Variants in SLC15A5 observed in about 807,000 individuals in gnomAD.
The protein encoded by SLC15A5 is solute carrier family 15 member 5.
SLC15A5 carries 58 observed loss-of-function variants against 56.1 expected under a neutral mutation model. The ratio of observed to expected loss-of-function variants is 1.03; its 90% CI spans 0.84 to 1.29. The LOEUF (loss-of-function observed/expected upper bound fraction) is 1.29, where lower values mean the gene tolerates loss of function less well. SLC15A5 is among the 50% of genes most tolerant of loss of function. The pLI, the probability that SLC15A5 is intolerant of heterozygous loss-of-function variation, is 0.00. For missense variants in SLC15A5, 681 were observed against 672.1 expected, an observed-to-expected ratio of 1.01 and a Z score of -0.15; for synonymous variants, 264 against 250.5, an observed-to-expected ratio of 1.05 and a Z score of -0.51.
Position 16,237,165 on chromosome 12 carries a change from T to C in SLC15A5, c.1162+2516A>G, listed in dbSNP as rs764476245. Among the ~76,000 whole-genome samples the C allele has an allele frequency of 6.6e-6, 1 of 152,192 alleles. No individual in the cohort carries two copies. The highest frequency in any genetic ancestry group is 2.4e-5 in the African/African-American group (1 of 41,458). ...AACTTTAATATTAGACTAATTCAGT[T>C]ATGTAAATTAGTATCAAAAAGTACC... On this transcript the variant is annotated intron_variant, in intron 5 of 8. Coordinates refer to ENST00000344941, the MANE Select transcript of SLC15A5 (RefSeq NM_001170798.1). This position sits in a 1 kb window ranked among gnomAD's most constrained non-coding sequence, Gnocchi z 4.1.
At chr12:16,228,837 TTGATTGTTTA>T (rs1425278856) in intron 5 of SLC15A5, among the ~76,000 whole-genome samples, 2 of 41,920 alleles carry the variant, frequency 4.8e-5, no homozygotes, top group Non-Finnish European at 1.3e-4. Context: ...AAAATGTATA[TTGATTGTTTA>T]TGTTATTAAT....
intron 7 of SLC15A5, among the ~76,000 whole-genome samples, chr12:16,200,986 A>G (rs1212362271): frequency 6.6e-6 from 1 of 152,148 alleles, no homozygotes; most frequent in Non-Finnish European, 1.5e-5. Context: ...GGCAAATCCA[A>G]TCAGAATATG....
At chr12:16,199,384 A>G (rs1454328675) in intron 7 of SLC15A5, among the ~76,000 whole-genome samples, 1 of 151,882 alleles carries the variant, frequency 6.6e-6, no homozygotes, top group East Asian at 1.9e-4. Flanking sequence ...CCAGGTCACC[A>G]ATGTGGTGAA....
intron 2 of SLC15A5, among the ~76,000 whole-genome samples, chr12:16,263,992 G>C (rs910788581): frequency 6.6e-6 from 1 of 152,226 alleles, no homozygotes; most frequent in Non-Finnish European, 1.5e-5. Context: ...TGTGGGATCA[G>C]AGCACCCACA....
chr12:16,229,601 A>G (rs528503874), intron 5 of SLC15A5, among the ~76,000 whole-genome samples: 3 of 151,338 alleles, frequency 2.0e-5, no homozygotes, highest in East Asian at 1.9e-4. Flanking sequence ...ATTACTCTTT[A>G]CTACCAAGAA....
intron 2 of SLC15A5, among the ~76,000 whole-genome samples, chr12:16,261,923 C>T (rs1864646780): frequency 6.6e-6 from 1 of 152,192 alleles, no homozygotes; most frequent in Non-Finnish European, 1.5e-5. Flanking sequence ...TATTTTCTCC[C>T]AGTCTGTGGC....
chr12:16,204,120 C>G (rs1455960954), intron 7 of SLC15A5, among the ~76,000 whole-genome samples: 1 of 151,928 alleles, frequency 6.6e-6, no homozygotes, highest in African/African-American at 2.4e-5. Flanking sequence ...TTCAGTTTTT[C>G]TAAAATTAAC....
In SLC15A5 at chr12:16,244,615, T is replaced by C; in HGVS notation, c.940A>G (p.Ile314Val). 1 of 1,537,608 alleles carries C rather than the reference T, an allele frequency of 6.5e-7. No individual in the cohort carries two copies. The highest frequency in any genetic ancestry group is 2.4e-5 in the East Asian group (1 of 40,898). Reference protein sequence around the residue: ...TFFLTLLPLFIFQLLYRMCIM... With the variant: ...TFFLTLLPLFVFQLLYRMCIM... ...CACATTCTGTATAGGAGCTGAAAAA[T>C]GAAGAGAGGGAGAAGGGTGAGGAAA... Residue 314 changes from isoleucine (I) to valine (V), a missense_variant, in exon 4 of 9, where the codon ATT becomes GTT. Physicochemically the swap from Ile to Val is conservative, Grantham distance 29. Coordinates refer to ENST00000344941, the MANE Select transcript of SLC15A5 (RefSeq NM_001170798.1).
In SLC15A5 at chr12:16,235,085, A is replaced by G. The variant is rs1396553772; in HGVS notation, c.1162+4596T>C. 6.6e-6 allele frequency among the ~76,000 whole-genome samples: 1 copy of G among 151,942 alleles called. No individual in the cohort carries two copies. Among genetic ancestry groups the G allele is most frequent in the Non-Finnish European group, 1.5e-5 (1 of 67,934 alleles). Reference sequence around the variant, plus strand: ...CATTCAGTGTTCATGAACTACTCTCATAAAGACAGCTATAATTTTATTGTC... The same window carrying G: ...CATTCAGTGTTCATGAACTACTCTCGTAAAGACAGCTATAATTTTATTGTC... On this transcript the variant is annotated intron_variant, in intron 5 of 8. Coordinates refer to ENST00000344941, the MANE Select transcript of SLC15A5 (RefSeq NM_001170798.1). The surrounding 1 kb of genome is among the most constrained non-coding windows in gnomAD (Gnocchi z 4.1).
At chr12:16,234,548 T>G (rs975121319) in intron 5 of SLC15A5, among the ~76,000 whole-genome samples, 10 of 152,168 alleles carry the variant, frequency 6.6e-5, no homozygotes, top group African/African-American at 2.4e-4. Flanking sequence ...GAGTGCAGTT[T>G]ATCAGAATGT....
rs914934397 is a variant in SLC15A5 at position 16,196,667 on chromosome 12, T to C, written c.1484-2214A>G. On this transcript the variant is annotated intron_variant, in intron 7 of 8. Transcript: ENST00000344941. This position sits in a 1 kb window ranked among gnomAD's most constrained non-coding sequence, Gnocchi z 4.0. ...TTTATCACCATGTTTCTCTGACTAGTGTAAGAGGAGTTTGCACAGAGTATG... is the reference window on the plus strand; with the variant it reads ...TTTATCACCATGTTTCTCTGACTAGCGTAAGAGGAGTTTGCACAGAGTATG... Among the ~76,000 whole-genome samples, 2 of 152,048 alleles carry C rather than the reference T, an allele frequency of 1.3e-5. No homozygotes were observed. The highest frequency in any genetic ancestry group is 4.8e-5 in the African/African-American group (2 of 41,414).
chr12:16,200,334 AAC>A (rs1451311642), intron 7 of SLC15A5, among the ~76,000 whole-genome samples: 1 of 151,952 alleles, frequency 6.6e-6, no homozygotes, highest in African/African-American at 2.4e-5. Flanking sequence ...ATTGATAAAA[AAC>A]ACAATTCAAA....
At chr12:16,200,055 A>T (rs1592107584) in intron 7 of SLC15A5, among the ~76,000 whole-genome samples, 1 of 152,074 alleles carries the variant, frequency 6.6e-6, no homozygotes, top group African/African-American at 2.4e-5. Context: ...TACTCTCAGC[A>T]AATCTCTTCT....
intron 7 of SLC15A5, among the ~76,000 whole-genome samples, chr12:16,214,451 C>T (rs555419491): frequency 6.6e-6 from 1 of 152,302 alleles, no homozygotes; most frequent in African/African-American, 2.4e-5. Flanking sequence ...GGAGAGTGGG[C>T]AGCCAGGAAG....
chr12:16,201,242 A>C (rs916270291), intron 7 of SLC15A5, among the ~76,000 whole-genome samples: 1 of 152,180 alleles, frequency 6.6e-6, no homozygotes, highest in Non-Finnish European at 1.5e-5. Flanking sequence ...AGAAAAAGCA[A>C]TCCTAAAATT....
At position 16,272,737 on chromosome 12, in the gene SLC15A5, A is replaced by G. The variant is rs191150850; in HGVS notation, c.408T>C (p.Tyr136=). ...SVVAFPLEDF[Y]LGTYHAVNNI... is the part of the protein sequence containing the mutation. ...TGTTAACTGCATGGTAAGTGCCCAG[A>G]TAGAAATCTTCCAAGGGAAAAGCCA... The change falls in exon 2 of 9, where the codon TAT becomes TAC. Residue 136 remains tyrosine (Y), a synonymous_variant. Coordinates refer to ENST00000344941, the MANE Select transcript of SLC15A5 (RefSeq NM_001170798.1). 4 of 1,537,268 alleles carry G rather than the reference A, an allele frequency of 2.6e-6. No individual in the cohort carries two copies. In the African/African-American group the frequency reaches 5.5e-5, roughly 21 times the overall value.
chr12:16,218,655 A>T (rs1001978295), intron 6 of SLC15A5, among the ~76,000 whole-genome samples: 2 of 152,182 alleles, frequency 1.3e-5, no homozygotes, highest in Admixed American at 6.5e-5. Context: ...TAAACACAGA[A>T]ATAGTATAGT....
intron 7 of SLC15A5, among the ~76,000 whole-genome samples, chr12:16,213,026 CAGAG>C (rs76765674): frequency 4.0e-5 from 6 of 151,310 alleles, no homozygotes; most frequent in East Asian, 3.9e-4. Flanking sequence ...TGTTGGCATT[CAGAG>C]AGAGAGAGAG....
At position 16,272,040 on chromosome 12, in the gene SLC15A5, C is replaced by T. The variant is rs527922328; in HGVS notation, c.584+521G>A. Among the ~76,000 whole-genome samples, 4 of 152,290 alleles carry T rather than the reference C, an allele frequency of 2.6e-5. No homozygotes were observed. In the South Asian group the frequency reaches 8.3e-4, roughly 32 times the overall value. On this transcript the variant is annotated intron_variant, in intron 2 of 8. Transcript: ENST00000344941. ...CTGCATTGGCCTAGAAATTTATAATCTCTGCCAAATTAGTCTATTACAATA... is the reference window on the plus strand; with the variant it reads ...CTGCATTGGCCTAGAAATTTATAATTTCTGCCAAATTAGTCTATTACAATA...
Sources: gnomAD v4.1 joint callset for allele counts (sites outside exome capture counted in the v4.1 genomes callset) on GRCh38, gnomAD v4.1.1 for gene constraint, Gnocchi (gnomAD v3.1) non-coding constraint, MANE v1.5 for transcripts, NCBI Gene and HGNC (gene_info 2026-07-23, HGNC 2026-07-21) for gene names.